The following EYS variants were observed in gnomAD, a reference collection of about 807,000 sequenced individuals.
The protein encoded by EYS is protein eyes shut homolog.
Under a neutral mutation model 282.1 loss-of-function variants are expected in EYS, and 250 were observed. The ratio of observed to expected loss-of-function variants is 0.89; its 90% CI spans 0.80 to 0.98. The LOEUF is 0.98. Ranked by LOEUF, EYS falls within the 50% of genes least tolerant of loss-of-function variation. The pLI is 0.00. For synonymous variants in EYS, 1,355 were observed against 1,282.9 expected (o/e 1.06, Z -1.20); for missense variants, 4,016 against 3,709.0 (o/e 1.08, Z -2.15).
intron 31 of EYS, among the ~76,000 whole-genome samples, chr6:64,105,836 G>A (rs575956768): frequency 6.6e-6 from 1 of 152,048 alleles, no homozygotes; most frequent in Admixed American, 6.6e-5. Context: ...TTCTTGCTTC[G>A]AAGTCTGCTT....
chr6:65,099,297 T>G (rs955897529), intron 12 of EYS, among the ~76,000 whole-genome samples: 1 of 150,694 alleles, frequency 6.6e-6, no homozygotes, highest in African/African-American at 2.4e-5. Context: ...TAAAAGGTGT[T>G]CTAGTGGCAA....
Position 65,330,478 on chromosome 6 carries a change from C to CA in EYS, c.1766+4501_1766+4502insT. On this transcript the variant is annotated intron_variant, in intron 11 of 42. Coordinates refer to ENST00000503581, the MANE Select transcript of EYS (RefSeq NM_001142800.2). ...AACAATATGGCTGGTATGATTTAGTCTTTGGCTCATTAAACATTTTATAAA... is the reference window on the plus strand; with the variant it reads ...AACAATATGGCTGGTATGATTTAGTCATTTGGCTCATTAAACATTTTATAAA... The CA allele has an allele frequency of 4.1e-6, 4 of 984,226 alleles. No homozygotes were observed. In the South Asian group the frequency reaches 1.9e-4, roughly 46 times the overall value. 61.0% of individuals were successfully genotyped at this position (984,226 alleles called of 1,614,324 possible). A position where few individuals can be genotyped will look rare whatever the true frequency, so the allele number is the denominator to read the frequency against.
At chr6:64,177,658 G>A (rs576539009) in intron 31 of EYS, among the ~76,000 whole-genome samples, 25 of 152,074 alleles carry the variant, frequency 1.6e-4, no homozygotes, top group Non-Finnish European at 3.2e-4. Flanking sequence ...ATACTGCTAT[G>A]AGAGGTGCTG....
intron 13 of EYS, among the ~76,000 whole-genome samples, chr6:65,036,958 G>T (rs1436967991): frequency 6.6e-6 from 1 of 151,812 alleles, no homozygotes; most frequent in Non-Finnish European, 1.5e-5. Flanking sequence ...GCCAGTACTG[G>T]GTATATACCC....
At chr6:65,182,607 A>G (rs1409491043) in intron 12 of EYS, among the ~76,000 whole-genome samples, 1 of 151,908 alleles carries the variant, frequency 6.6e-6, no homozygotes, top group African/African-American at 2.4e-5. Context: ...ACACTCAATC[A>G]TAATTTAAAT....
intron 29 of EYS, among the ~76,000 whole-genome samples, chr6:64,365,842 T>C (rs1041574252): frequency 2.6e-5 from 4 of 152,046 alleles, no homozygotes; most frequent in African/African-American, 9.7e-5. Flanking sequence ...GTAATATATT[T>C]GGACTGTGGT....
intron 12 of EYS, among the ~76,000 whole-genome samples, chr6:65,198,284 CT>C (rs1765818222): frequency 6.6e-6 from 1 of 152,086 alleles, no homozygotes; most frequent in Non-Finnish European, 1.5e-5. Context: ...GCAAGGCTGC[CT>C]TCTGGAATAC....
At chr6:64,279,537 C>T (rs1296029703) in intron 30 of EYS, among the ~76,000 whole-genome samples, 1 of 152,132 alleles carries the variant, frequency 6.6e-6, no homozygotes. Flanking sequence ...TTAGGAAAGA[C>T]AGCAGGGACA....
intron 29 of EYS, among the ~76,000 whole-genome samples, chr6:64,320,746 T>C (rs1159465250): frequency 6.6e-6 from 1 of 151,862 alleles, no homozygotes; most frequent in East Asian, 1.9e-4. Flanking sequence ...TTAATCATGT[T>C]TATTGAATTT....
At chr6:64,698,732 A>G (rs2149921955) in intron 22 of EYS, among the ~76,000 whole-genome samples, 1 of 152,316 alleles carries the variant, frequency 6.6e-6, no homozygotes, top group Non-Finnish European at 1.5e-5. Flanking sequence ...AAAAAGCTCA[A>G]TATCAATCAT....
At chr6:65,531,436 A>C (rs1294308381) in intron 2 of EYS, among the ~76,000 whole-genome samples, 1 of 152,222 alleles carries the variant, frequency 6.6e-6, no homozygotes, top group Admixed American at 6.6e-5. Flanking sequence ...GATTAAATGG[A>C]ACATGAGGCA....
intron 12 of EYS, among the ~76,000 whole-genome samples, chr6:65,121,907 T>C (rs1461034820): frequency 6.6e-6 from 1 of 152,132 alleles, no homozygotes; most frequent in Admixed American, 6.5e-5. Context: ...AGTCTTCCTG[T>C]TTGTTTCATA....
intron 2 of EYS, among the ~76,000 whole-genome samples, chr6:65,542,270 C>T (rs1768195165): frequency 6.6e-6 from 1 of 152,014 alleles, no homozygotes; most frequent in Admixed American, 6.6e-5. Flanking sequence ...ATATAGTAGG[C>T]ATCTATCTTC....
At chr6:64,540,098 G>C (rs1313684431) in intron 26 of EYS, among the ~76,000 whole-genome samples, 20 of 152,196 alleles carry the variant, frequency 1.3e-4, no homozygotes, top group Admixed American at 1.3e-3. Flanking sequence ...TCCGGAGTCT[G>C]AGAAAATATC....
chr6:65,534,698 TCC>T (rs1238735452), intron 2 of EYS, among the ~76,000 whole-genome samples: 4 of 152,104 alleles, frequency 2.6e-5, no homozygotes, highest in Non-Finnish European at 5.9e-5. Flanking sequence ...CTACAGCTTC[TCC>T]ATGGCAACAG....
chr6:64,292,232 C>G (rs1768741070), intron 30 of EYS, among the ~76,000 whole-genome samples: 1 of 152,116 alleles, frequency 6.6e-6, no homozygotes, highest in Non-Finnish European at 1.5e-5. Context: ...CAGAGGCACT[C>G]TTTCTGGAGT....
intron 12 of EYS, among the ~76,000 whole-genome samples, chr6:65,211,147 T>C (rs1766167336): frequency 6.6e-6 from 1 of 152,054 alleles, no homozygotes; most frequent in African/African-American, 2.4e-5. Flanking sequence ...CTATTACTCT[T>C]ACAGATGGGA....
chr6:64,937,870 A>T (rs1768961128), intron 15 of EYS, among the ~76,000 whole-genome samples: 1 of 151,690 alleles, frequency 6.6e-6, no homozygotes, highest in Non-Finnish European at 1.5e-5. Context: ...AAAAGTTGTA[A>T]TAATCAACAT....
intron 30 of EYS, among the ~76,000 whole-genome samples, chr6:64,285,159 C>G (rs1768451028): frequency 6.6e-6 from 1 of 152,080 alleles, no homozygotes; most frequent in Non-Finnish European, 1.5e-5. Flanking sequence ...AAACTGAATT[C>G]CTTTAACAAC....
Sources: gnomAD v4.1 joint callset for allele counts (sites outside exome capture counted in the v4.1 genomes callset) on GRCh38, gnomAD v4.1.1 for gene constraint, MANE v1.5 for transcripts, NCBI Gene and HGNC (gene_info 2026-07-23, HGNC 2026-07-21) for gene names.